Variants in ADAMTSL1 observed in about 807,000 individuals in gnomAD.
The protein encoded by ADAMTSL1 is ADAMTS-like protein 1.
ADAMTSL1 carries 126 observed loss-of-function variants against 201.8 expected under a neutral mutation model. The observed-to-expected ratio is 0.62, with a 90% confidence interval of 0.54 to 0.72. The LOEUF (loss-of-function observed/expected upper bound fraction) is 0.72, where lower values mean the gene tolerates loss of function less well. ADAMTSL1 is among the 30% of genes least tolerant of loss of function. The pLI, the probability that ADAMTSL1 is intolerant of heterozygous loss-of-function variation, is 0.00. For synonymous variants in ADAMTSL1, 1,121 were observed against 903.4 expected (o/e 1.24, Z -4.32); for missense variants, 2,679 against 2,277.8 (o/e 1.18, Z -3.59).
At chr9:18,123,395 C>G (rs1219233152) in intron 1 of ADAMTSL1, among the ~76,000 whole-genome samples, 1 of 152,132 alleles carries the variant, frequency 6.6e-6, no homozygotes, top group Non-Finnish European at 1.5e-5. Flanking sequence ...TGCTATTATG[C>G]TTTTGACATT....
In ADAMTSL1 at chr9:18,892,447, C is replaced by T. The variant is rs747493274; in HGVS notation, c.4702C>T (p.Arg1568Cys). 1.1e-5 allele frequency: 17 copies of T among 1,613,400 alleles called. No individual in the cohort carries two copies. Among genetic ancestry groups the T allele is most frequent in the Non-Finnish European group, 1.3e-5 (15 of 1,179,808 alleles). ...GAGCTGTGGGGGAGGTGTCCAGACC[C>T]GCAGGGTGACCTGTCAAAAGCTGAA... ...TRSCGGGVQT[R>C]RVTCQKLKAS... Residue 1568 changes from arginine (R) to cysteine (C), a missense_variant, in exon 26 of 29, where the codon CGC (arginine) becomes TGC (cysteine). Transcript: ENST00000380548.
chr9:18,257,947 TCAGAG>T (rs1831754209), intron 2 of ADAMTSL1, among the ~76,000 whole-genome samples: 1 of 152,202 alleles, frequency 6.6e-6, no homozygotes, highest in Admixed American at 6.5e-5. Context: ...ATTGAGATCT[TCAGAG>T]CAGAAGGAAG....
intron 2 of ADAMTSL1, among the ~76,000 whole-genome samples, chr9:18,368,172 C>T (rs1206301401): frequency 6.6e-6 from 1 of 152,108 alleles, no homozygotes. Context: ...GCCTTGGCCT[C>T]CCAAAGTGCT....
intron 2 of ADAMTSL1, among the ~76,000 whole-genome samples, chr9:18,242,362 C>T (rs910628822): frequency 6.6e-6 from 1 of 152,050 alleles, no homozygotes; most frequent in South Asian, 2.1e-4. Flanking sequence ...GAAAATTCCT[C>T]AACATAATAA....
intron 1 of ADAMTSL1, among the ~76,000 whole-genome samples, chr9:17,964,717 G>A (rs1817909312): frequency 6.6e-6 from 1 of 152,170 alleles, no homozygotes; most frequent in Non-Finnish European, 1.5e-5. Context: ...ACTGGGGAAA[G>A]GGCACATGGG....
At chr9:18,580,324 T>A (rs1223208104) in intron 4 of ADAMTSL1, among the ~76,000 whole-genome samples, 1 of 152,176 alleles carries the variant, frequency 6.6e-6, no homozygotes, top group East Asian at 1.9e-4. Context: ...ATTCCTGTGG[T>A]GAGTAGTTTG....
Position 18,845,288 on chromosome 9 carries a change from C to A in ADAMTSL1, c.4249+15311C>A, listed in dbSNP as rs556701548. Among the ~76,000 whole-genome samples the A allele has an allele frequency of 6.6e-5, 10 of 152,364 alleles. 1 individual carries two copies. In the Middle Eastern group the frequency reaches 0.01, roughly 155 times the overall value. ...AGGCACATGTCAGCCCCACAGAAAG[C>A]AAACAGCACCAGCCTTTTCTCATGC... On this transcript the variant is annotated intron_variant, in intron 23 of 28. Transcript: ENST00000380548.
At chr9:18,598,507 C>G (rs184410447) in intron 4 of ADAMTSL1, among the ~76,000 whole-genome samples, 2 of 152,016 alleles carry the variant, frequency 1.3e-5, no homozygotes, top group East Asian at 3.9e-4. Context: ...TTTTGTTTGT[C>G]CCTTTCACCA....
In ADAMTSL1 at chr9:18,022,678, AAAGC is replaced by A. The variant is rs371569040; in HGVS notation, c.87+115759_87+115762del. 1.5e-3 allele frequency among the ~76,000 whole-genome samples: 228 copies of A among 152,310 alleles called. 5 individuals are homozygous for A. In the South Asian group the frequency reaches 0.047, roughly 31 times the overall value. On this transcript the variant is annotated intron_variant, in intron 1 of 29. Coordinates refer to the ADAMTSL1 transcript ENST00000680146. ...TCTTTACTAAGAATGTCATAAAGCAAAAGCAATTTTAAAAAAGCTAATAGCCTTT... is the reference window on the plus strand; with the variant it reads ...TCTTTACTAAGAATGTCATAAAGCAAAATTTTAAAAAAGCTAATAGCCTTT...
intron 2 of ADAMTSL1, among the ~76,000 whole-genome samples, chr9:18,168,608 C>G (rs1241641674): frequency 6.6e-6 from 1 of 151,006 alleles, no homozygotes; most frequent in Non-Finnish European, 1.5e-5. Context: ...GTCTTTATAG[C>G]AGCATGATTT....
intron 2 of ADAMTSL1, among the ~76,000 whole-genome samples, chr9:18,265,226 G>C (rs929370011): frequency 6.6e-6 from 1 of 152,052 alleles, no homozygotes; most frequent in African/African-American, 2.4e-5. Flanking sequence ...GTTGTACCTT[G>C]GGGTCGTTTC....
chr9:17,947,299 C>G (rs140318348), intron 1 of ADAMTSL1, among the ~76,000 whole-genome samples: 4 of 129,182 alleles, frequency 3.1e-5, no homozygotes, highest in African/African-American at 1.2e-4. Flanking sequence ...AAGGCATTTA[C>G]CTTATACACA....
chr9:18,761,952 T>C (rs1820093359), intron 16 of ADAMTSL1, among the ~76,000 whole-genome samples: 1 of 152,214 alleles, frequency 6.6e-6, no homozygotes, highest in South Asian at 2.1e-4. Flanking sequence ...CACTGCTGCC[T>C]TACTGCAAAG....
chr9:18,866,156 A>G (rs1827531198), intron 23 of ADAMTSL1, among the ~76,000 whole-genome samples: 1 of 145,774 alleles, frequency 6.9e-6, no homozygotes, highest in African/African-American at 2.5e-5. Flanking sequence ...TTGTTTTAAC[A>G]AATGAGAAAT....
intron 4 of ADAMTSL1, among the ~76,000 whole-genome samples, chr9:18,616,678 C>T (rs963219407): frequency 8.5e-5 from 13 of 152,102 alleles, no homozygotes; most frequent in Admixed American, 6.5e-5. Flanking sequence ...GACCTCCCCC[C>T]ACCACATCTA....
intron 4 of ADAMTSL1, among the ~76,000 whole-genome samples, chr9:18,608,253 A>C (rs1196488946): frequency 6.6e-6 from 1 of 152,180 alleles, no homozygotes; most frequent in Non-Finnish European, 1.5e-5. Context: ...AACTGACTAA[A>C]CACCAATAAC....
chr9:18,719,543 T>C (rs1833197286), intron 14 of ADAMTSL1, among the ~76,000 whole-genome samples: 1 of 152,188 alleles, frequency 6.6e-6, no homozygotes, highest in African/African-American at 2.4e-5. Context: ...TTTGTACTTT[T>C]AGTGGAGACG....
At chr9:18,108,866 C>A (rs1484547385) in intron 1 of ADAMTSL1, among the ~76,000 whole-genome samples, 3 of 151,746 alleles carry the variant, frequency 2.0e-5, no homozygotes, top group Non-Finnish European at 4.4e-5. Context: ...GAATACATGT[C>A]GTAGTTGAAA....
intron 14 of ADAMTSL1, among the ~76,000 whole-genome samples, chr9:18,711,614 T>A (rs2133360630): frequency 6.6e-6 from 1 of 152,352 alleles, no homozygotes; most frequent in Non-Finnish European, 1.5e-5. Flanking sequence ...GGAGTCTCGC[T>A]GATTGCTAGC....
Sources: gnomAD v4.1 joint callset for allele counts (sites outside exome capture counted in the v4.1 genomes callset) on GRCh38, gnomAD v4.1.1 for gene constraint, MANE v1.5 for transcripts, NCBI Gene and HGNC (gene_info 2026-07-23, HGNC 2026-07-21) for gene names.